CUBN: variants seen among roughly 807,000 people sequenced by gnomAD.
CUBN encodes cubilin.
In CUBN, 282 loss-of-function variants were observed where a neutral mutation model predicts 405.3. That is an observed-to-expected ratio of 0.70 (90% CI 0.63 to 0.77). CUBN has a LOEUF of 0.77. Among genes scored for constraint, CUBN ranks in the 30% least tolerant of loss-of-function variants. CUBN has a pLI of 0.00. For missense variants in CUBN, 4,514 were observed against 4,475.2 expected (o/e 1.01, Z -0.25); for synonymous variants, 1,684 against 1,617.0 (o/e 1.04, Z -0.99).
intron 31 of CUBN, among the ~76,000 whole-genome samples, chr10:16,964,526 T>A (rs1420915060): frequency 2.6e-5 from 4 of 152,218 alleles, no homozygotes; most frequent in African/African-American, 9.6e-5. Context: ...TTCAATAGCT[T>A]GTATCTATAT....
In CUBN at chr10:17,084,667, A is replaced by G. The variant is rs115771770; in HGVS notation, c.2111-206T>C. 0.019 allele frequency among the ~76,000 whole-genome samples: 2,955 copies of G among 152,350 alleles called. 103 individuals carry two copies. Among genetic ancestry groups the G allele is most frequent in the African/African-American group, 0.066 (2,747 of 41,572 alleles). On this transcript the variant is annotated intron_variant, in intron 16 of 66. Coordinates refer to ENST00000377833, the MANE Select transcript of CUBN (RefSeq NM_001081.4). ...CATCTCTGTAGTGGCTTAAAGAAAT[A>G]GATGCAGAGATGTGTGATCTAGCTT...
At chr10:16,891,964 C>T (rs556376539) in intron 54 of CUBN, among the ~76,000 whole-genome samples, 101 of 152,260 alleles carry the variant, frequency 6.6e-4, no homozygotes, top group African/African-American at 2.1e-3. Flanking sequence ...GTGTATTAAT[C>T]TTACTTGACT....
At chr10:16,908,876 T>C (rs1841636701) in intron 48 of CUBN, among the ~76,000 whole-genome samples, 1 of 146,900 alleles carries the variant, frequency 6.8e-6, no homozygotes, top group Admixed American at 6.8e-5. Context: ...TCATCTCTTT[T>C]TTTTTTTTTT....
intron 31 of CUBN, among the ~76,000 whole-genome samples, chr10:16,970,829 T>C (rs1832906569): frequency 6.6e-6 from 1 of 152,156 alleles, no homozygotes; most frequent in Non-Finnish European, 1.5e-5. Context: ...TTTTATTTTT[T>C]GCACTGCCCC....
intron 26 of CUBN, among the ~76,000 whole-genome samples, chr10:17,041,852 T>A (rs1225427622): frequency 6.6e-6 from 1 of 152,080 alleles, no homozygotes; most frequent in Non-Finnish European, 1.5e-5. Flanking sequence ...AAATGTGAAA[T>A]TACAGAAAAA....
At chr10:16,939,404 G>A (rs1313867756) in intron 37 of CUBN, among the ~76,000 whole-genome samples, 1 of 152,152 alleles carries the variant, frequency 6.6e-6, no homozygotes, top group Non-Finnish European at 1.5e-5. Flanking sequence ...GCCCCTAGGG[G>A]ACTTGGGGAC....
chr10:17,053,181 T>C (rs1391289839), intron 22 of CUBN, among the ~76,000 whole-genome samples: 2 of 151,836 alleles, frequency 1.3e-5, no homozygotes, highest in Non-Finnish European at 2.9e-5. Context: ...CAAAAAGAGA[T>C]GAATGGAAAA....
intron 59 of CUBN, among the ~76,000 whole-genome samples, chr10:16,866,642 CAG>C (rs1840192526): frequency 1.3e-5 from 2 of 152,182 alleles, no homozygotes; most frequent in East Asian, 1.9e-4. Context: ...CAGATTATTT[CAG>C]AGTTTCACAG....
chr10:16,967,695 G>T (rs554751071), intron 31 of CUBN, among the ~76,000 whole-genome samples: 1 of 151,600 alleles, frequency 6.6e-6, no homozygotes, highest in Non-Finnish European at 1.5e-5. Context: ...AGAGATACAG[G>T]GAGGAGAGAG....
intron 47 of CUBN, 67 bp from the exon 48 acceptor site, chr10:16,914,059 T>G (rs1450894740): frequency 1.9e-6 from 3 of 1,542,798 alleles, no homozygotes; most frequent in Non-Finnish European, 2.7e-6. Flanking sequence ...TCAAGAAAGC[T>G]CTCAAAATTC....
chr10:16,955,708 G>A (rs10904850), intron 31 of CUBN, among the ~76,000 whole-genome samples: 38,153 of 151,956 alleles, frequency 0.25, 5,524 homozygotes, highest in Non-Finnish European at 0.33. Context: ...AGCCCTTCAC[G>A]TACACTGTCC....
intron 22 of CUBN, among the ~76,000 whole-genome samples, chr10:17,055,165 G>A (rs1835362850): frequency 6.6e-6 from 1 of 151,754 alleles, no homozygotes; most frequent in Non-Finnish European, 1.5e-5. Flanking sequence ...CACCTAAACA[G>A]AATAAAAAAA....
At chr10:17,004,056 TTC>T (rs1032805827) in intron 28 of CUBN, among the ~76,000 whole-genome samples, 5 of 152,170 alleles carry the variant, frequency 3.3e-5, no homozygotes, top group African/African-American at 1.2e-4. Flanking sequence ...TCAGGCTTGT[TTC>T]TCTCTCTTTC....
At chr10:16,888,697 A>T in intron 55 of CUBN, 131 bp from the exon 56 acceptor site, 1 of 780,398 alleles carries the variant, frequency 1.3e-6, no homozygotes, top group Non-Finnish European at 2.3e-6. Context: ...TGGAAGAAGC[A>T]AGAATGAAGA....
intron 60 of CUBN, among the ~76,000 whole-genome samples, chr10:16,850,176 G>C (rs757889873): frequency 2.0e-5 from 3 of 152,060 alleles, no homozygotes; most frequent in Non-Finnish European, 4.4e-5. Flanking sequence ...TTCTAAGCTT[G>C]CACATTGCTT....
At chr10:17,018,164 T>G (rs1223258022) in intron 28 of CUBN, among the ~76,000 whole-genome samples, 1 of 152,030 alleles carries the variant, frequency 6.6e-6, no homozygotes, top group Non-Finnish European at 1.5e-5. Flanking sequence ...CTGGCGGCCA[T>G]GCTAGTCACT....
intron 59 of CUBN, among the ~76,000 whole-genome samples, chr10:16,851,820 T>C: frequency 9.7e-6 from 1 of 102,652 alleles, no homozygotes; most frequent in African/African-American, 4.1e-5. Context: ...CCCTCTATAT[T>C]TCCCTCCCTC....
chr10:17,123,422 T>A, intron 5 of CUBN, 166 bp downstream of exon 5: 1 of 685,814 alleles, frequency 1.5e-6, no homozygotes, highest in Non-Finnish European at 2.7e-6. Flanking sequence ...TATACAATCA[T>A]ACTCACCACT....
At chr10:16,965,969 T>A (rs751947103) in intron 31 of CUBN, 2 of 471,248 alleles carry the variant, frequency 4.2e-6, no homozygotes, top group South Asian at 3.1e-5. Context: ...CGACCAAGTA[T>A]GATTAAACCT....
Sources: gnomAD v4.1 joint callset for allele counts (sites outside exome capture counted in the v4.1 genomes callset) on GRCh38, gnomAD v4.1.1 for gene constraint, MANE v1.5 for transcripts, NCBI Gene and HGNC (gene_info 2026-07-23, HGNC 2026-07-21) for gene names.